STPG2: variants seen among roughly 807,000 people sequenced by gnomAD.
STPG2 encodes sperm tail PG-rich repeat containing 2.
In STPG2, 56 loss-of-function variants were observed where a neutral mutation model predicts 54.2. The observed-to-expected ratio is 1.03, with a 90% CI of 0.83 to 1.29. STPG2 has a LOEUF of 1.29. Ranked by LOEUF, STPG2 falls within the 50% of genes most tolerant of loss-of-function variation. The probability of loss-of-function intolerance (pLI) is 0.00; values close to 1 mark genes in which losing one functional copy is unlikely to be tolerated. For synonymous variants in STPG2, 200 were observed against 181.8 expected (o/e 1.10, Z -0.81); for missense variants, 596 against 544.9 (o/e 1.09, Z -0.93).
intron 8 of STPG2, among the ~76,000 whole-genome samples, chr4:97,936,876 G>A (rs2149224419): frequency 6.6e-6 from 1 of 152,234 alleles, no homozygotes; most frequent in Middle Eastern, 3.4e-3. Flanking sequence ...TCTACTCATG[G>A]AGTATGTTAT....
intron 7 of STPG2, among the ~76,000 whole-genome samples, chr4:97,952,782 G>T (rs1470430156): frequency 6.6e-6 from 1 of 152,208 alleles, no homozygotes; most frequent in Non-Finnish European, 1.5e-5. Flanking sequence ...CACATGGACA[G>T]ACTCAGGACC....
At chr4:97,886,492 G>A (rs1040132095) in intron 8 of STPG2, among the ~76,000 whole-genome samples, 3 of 152,120 alleles carry the variant, frequency 2.0e-5, no homozygotes, top group African/African-American at 7.2e-5. Context: ...CACTTTCAAA[G>A]AAATCTACTG....
At chr4:98,026,922 T>C (rs1283473265) in intron 5 of STPG2, among the ~76,000 whole-genome samples, 1 of 152,224 alleles carries the variant, frequency 6.6e-6, no homozygotes, top group East Asian at 1.9e-4. Context: ...TAACTAATTT[T>C]TAAATATTAA....
chr4:97,862,548 G>C (rs1037259718), intron 8 of STPG2, among the ~76,000 whole-genome samples: 2 of 151,936 alleles, frequency 1.3e-5, no homozygotes, highest in Admixed American at 1.3e-4. Flanking sequence ...GAGACAGAGA[G>C]TTAATAAGGA....
chr4:97,717,317 A>T (rs1442436341), intron 9 of STPG2, among the ~76,000 whole-genome samples: 1 of 152,194 alleles, frequency 6.6e-6, no homozygotes, highest in African/African-American at 2.4e-5. Context: ...ATGTTCAAGG[A>T]TATCTTAAAG....
At chr4:97,945,210 C>A (rs187751054) in intron 7 of STPG2, among the ~76,000 whole-genome samples, 1 of 152,078 alleles carries the variant, frequency 6.6e-6, no homozygotes, top group East Asian at 1.9e-4. Flanking sequence ...CTATTCTCCT[C>A]CCACCCTCCC....
chr4:98,108,895 G>A (rs762783268), intron 4 of STPG2, among the ~76,000 whole-genome samples: 1 of 152,082 alleles, frequency 6.6e-6, no homozygotes, highest in Non-Finnish European at 1.5e-5. Context: ...TGGGGGGCTA[G>A]GGGAGAGATA....
chr4:97,474,564 C>T (rs1730025678), intron 4 of STPG2, among the ~76,000 whole-genome samples: 1 of 152,040 alleles, frequency 6.6e-6, no homozygotes, highest in African/African-American at 2.4e-5. Flanking sequence ...CCATACTACC[C>T]CTTGGTATAT....
At chr4:97,882,468 G>A (rs1730413214) in intron 8 of STPG2, among the ~76,000 whole-genome samples, 1 of 152,166 alleles carries the variant, frequency 6.6e-6, no homozygotes, top group Non-Finnish European at 1.5e-5. Flanking sequence ...GGAGGACTGG[G>A]AAATGATAGC....
At chr4:98,137,950 A>T (rs1044395139) in intron 1 of STPG2, among the ~76,000 whole-genome samples, 1 of 151,962 alleles carries the variant, frequency 6.6e-6, no homozygotes, top group East Asian at 1.9e-4. Context: ...AAAAAATTTA[A>T]ATGTTTATAA....
intron 5 of STPG2, among the ~76,000 whole-genome samples, chr4:98,015,049 G>A (rs75472155): frequency 0.018 from 2,790 of 151,850 alleles, 74 homozygotes; most frequent in African/African-American, 0.063. Context: ...TGTTGTTTAC[G>A]TTTAGGAATT....
intron 3 of STPG2, among the ~76,000 whole-genome samples, chr4:98,125,889 G>A (rs911346253): frequency 5.9e-5 from 9 of 152,174 alleles, no homozygotes; most frequent in African/African-American, 2.2e-4. Flanking sequence ...CCCATGGGGA[G>A]GCCCTGACCA....
At chr4:97,504,648 CTA>C (rs1401929498) in intron 4 of STPG2, among the ~76,000 whole-genome samples, 1 of 151,926 alleles carries the variant, frequency 6.6e-6, no homozygotes. Context: ...TTTTCTCCAT[CTA>C]TAACATCTGA....
At chr4:97,678,617 C>CT (rs1487789680) in intron 10 of STPG2, among the ~76,000 whole-genome samples, 1 of 151,258 alleles carries the variant, frequency 6.6e-6, no homozygotes, top group Admixed American at 6.6e-5. Context: ...TTTTTGACTT[C>CT]TTTTATTTTA....
chr4:97,620,469 T>A (rs977331337), intron 10 of STPG2, among the ~76,000 whole-genome samples: 16 of 152,184 alleles, frequency 1.1e-4, no homozygotes, highest in African/African-American at 3.9e-4. Flanking sequence ...ACTTGAAGAA[T>A]GTTTTTTTCA....
chr4:98,089,574 T>A (rs1738622802), intron 5 of STPG2, among the ~76,000 whole-genome samples: 1 of 152,068 alleles, frequency 6.6e-6, no homozygotes, highest in Non-Finnish European at 1.5e-5. Context: ...TACCCAGTAG[T>A]GGGATTGCTG....
intron 9 of STPG2, among the ~76,000 whole-genome samples, chr4:97,802,761 G>A (rs528019373): frequency 2.1e-4 from 32 of 152,066 alleles, no homozygotes; most frequent in South Asian, 6.2e-4. Context: ...GTGAGCCACC[G>A]CGCCCGGCCC....
intron 10 of STPG2, among the ~76,000 whole-genome samples, chr4:97,615,060 G>A (rs890934089): frequency 6.6e-6 from 1 of 151,926 alleles, no homozygotes; most frequent in African/African-American, 2.4e-5. Flanking sequence ...GATTTCTTTG[G>A]GGGCACTGTC....
intron 9 of STPG2, among the ~76,000 whole-genome samples, chr4:97,787,119 C>A (rs1726851355): frequency 6.6e-6 from 1 of 152,030 alleles, no homozygotes; most frequent in South Asian, 2.1e-4. Context: ...CTTTTTAGAT[C>A]TCTTGAGATT....
Sources: allele counts gnomAD v4.1 joint callset (sites outside exome capture counted in the v4.1 genomes callset), GRCh38; gene constraint gnomAD v4.1.1; transcripts MANE v1.5; gene names NCBI Gene and HGNC (gene_info 2026-07-23, HGNC 2026-07-21).